Variants in OSBP2 observed in about 807,000 individuals in gnomAD.
The protein encoded by OSBP2 is oxysterol-binding protein 2.
In OSBP2, 66 loss-of-function variants were observed where a neutral mutation model predicts 96.0. That is an observed-to-expected ratio of 0.69 (90% CI 0.56 to 0.84). The LOEUF (loss-of-function observed/expected upper bound fraction) is 0.84, where lower values mean the gene tolerates loss of function less well. Among genes scored for constraint, OSBP2 ranks in the 40% least tolerant of loss-of-function variants. The pLI, the probability that OSBP2 is intolerant of heterozygous loss-of-function variation, is 0.00. For missense variants in OSBP2, 1,038 were observed against 1,222.7 expected, an observed-to-expected ratio of 0.85 and a Z score of 2.25; for synonymous variants, 525 against 520.9, an observed-to-expected ratio of 1.01 and a Z score of -0.11.
upstream of OSBP2, chr22:30,694,804 G>C (rs1174281558): frequency 2.8e-5 from 16 of 564,986 alleles, no homozygotes; most frequent in Non-Finnish European, 3.6e-5. Flanking sequence ...GAACCCGCGC[G>C]CGCCCCCGCC....
intron 2 of OSBP2, among the ~76,000 whole-genome samples, chr22:30,821,764 T>A (rs1025204599): frequency 2.0e-5 from 3 of 152,248 alleles, no homozygotes; most frequent in African/African-American, 7.2e-5. Context: ...TCTGAAACTC[T>A]GGGGAAAACT....
At chr22:30,780,324 A>G (rs1246565342) in intron 2 of OSBP2, among the ~76,000 whole-genome samples, 1 of 152,156 alleles carries the variant, frequency 6.6e-6, no homozygotes, top group Non-Finnish European at 1.5e-5. Flanking sequence ...AATTTCATCC[A>G]TGCCACAGCT....
Position 30,887,589 on chromosome 22 carries a change from C to T in OSBP2, c.1271C>T (p.Pro424Leu), listed in dbSNP as rs1243020662. 24 of 1,608,682 alleles carry T rather than the reference C, an allele frequency of 1.5e-5. No homozygotes were observed. Among genetic ancestry groups the T allele is most frequent in the African/African-American group, 1.2e-4 (9 of 74,836 alleles). ...ERAFHSAPGR[P>L]ANPSKSFIEG... is the part of the protein sequence containing the mutation. ...GCCTTCCACAGTGCCCCTGGCCGGC[C>T]GGCCAACCCCTCCAAGAGCTTCATT... The change falls in exon 4 of 14, where the codon CCG becomes CTG. Residue 424 changes from proline (P) to leucine (L), a missense_variant. Pro to Leu is a moderately conservative substitution (Grantham distance 98). Around this residue, in one of 3 missense-constraint regions of OSBP2, gnomAD observed 737 missense variants for 913.3 expected, o/e 0.81. Transcript: ENST00000332585.
intron 2 of OSBP2, among the ~76,000 whole-genome samples, chr22:30,759,208 C>T (rs967311714): frequency 1.3e-5 from 2 of 152,174 alleles, no homozygotes; most frequent in Admixed American, 6.5e-5. Context: ...ATTAGCCAGG[C>T]GTGGTGGTGC....
chr22:30,850,790 C>A (rs1371352542), intron 2 of OSBP2, among the ~76,000 whole-genome samples: 1 of 152,212 alleles, frequency 6.6e-6, no homozygotes, highest in Non-Finnish European at 1.5e-5. Flanking sequence ...TGAGGCACTG[C>A]ACCCGGCCTG....
intron 2 of OSBP2, among the ~76,000 whole-genome samples, chr22:30,833,808 G>T (rs2038578762): frequency 6.6e-6 from 1 of 152,144 alleles, no homozygotes; most frequent in South Asian, 2.1e-4. Flanking sequence ...TTTGTCTAGT[G>T]TTGCACCTAA....
chr22:30,745,225 CA>C (rs953007383), intron 2 of OSBP2, among the ~76,000 whole-genome samples: 50 of 142,258 alleles, frequency 3.5e-4, no homozygotes, highest in African/African-American at 1.0e-3. Flanking sequence ...GAAAAAAATA[CA>C]AAAAAAAAAT....
chr22:30,756,120 AC>A (rs748583710), intron 2 of OSBP2, among the ~76,000 whole-genome samples: 1 of 152,090 alleles, frequency 6.6e-6, no homozygotes. Flanking sequence ...CACAGCAGTT[AC>A]CCTTCCAGTG....
intron 2 of OSBP2, among the ~76,000 whole-genome samples, chr22:30,825,173 C>T (rs779387088): frequency 2.6e-5 from 4 of 152,110 alleles, no homozygotes; most frequent in Admixed American, 6.5e-5. Flanking sequence ...TCAGTTTCCC[C>T]ATCTAAAAGA....
chr22:30,895,354 C>A (rs1191380760), intron 12 of OSBP2, among the ~76,000 whole-genome samples: 1 of 152,028 alleles, frequency 6.6e-6, no homozygotes, highest in African/African-American at 2.4e-5. Context: ...CTGAAAGGGC[C>A]TATAGCGTGC....
intron 2 of OSBP2, among the ~76,000 whole-genome samples, chr22:30,860,508 G>T (rs772141460): frequency 6.6e-6 from 1 of 152,230 alleles, no homozygotes; most frequent in African/African-American, 2.4e-5. Flanking sequence ...CTCACTTCGC[G>T]CCAGAGGAGG....
intron 1 of OSBP2, among the ~76,000 whole-genome samples, chr22:30,737,090 G>A (rs5753299): frequency 0.74 from 112,203 of 152,038 alleles, 42,235 homozygotes; most frequent in African/African-American, 0.88. Flanking sequence ...ATCTTGGCTC[G>A]CTGCACCCTC....
At chr22:30,730,754 CTCTCTCTCTCT>C (rs1212352223) in intron 1 of OSBP2, among the ~76,000 whole-genome samples, 3 of 45,154 alleles carry the variant, frequency 6.6e-5, no homozygotes, top group Non-Finnish European at 8.6e-5. Flanking sequence ...CTCTCTCTCT[CTCTCTCTCTCT>C]CTCTCTCTCT....
rs1266918142 is a variant in OSBP2 at position 30,893,236 on chromosome 22, C to T, written c.1984C>T (p.Pro662Ser). The change falls in exon 9 of 14, where the codon CCG becomes TCG. Residue 662 changes from proline (P) to serine (S), a missense_variant. Physicochemically the swap from Pro to Ser is moderately conservative, Grantham distance 74. This residue lies in a region of OSBP2 where 737 missense variants were observed against 913.3 expected (regional missense o/e 0.81). Transcript: ENST00000332585. ...KFRGKYISIM[P>S]LGAIHLEFQA... ...CCGGGGAAAATACATCTCCATCATG[C>T]CGCTAGGTGAGCTGGGGCCCGGTGC... 1 of 1,614,064 alleles carries T rather than the reference C, an allele frequency of 6.2e-7. No homozygotes were observed. Among genetic ancestry groups the T allele is most frequent in the Admixed American group, 1.7e-5 (1 of 60,014 alleles).
At chr22:30,810,377 G>T (rs961719265) in intron 2 of OSBP2, among the ~76,000 whole-genome samples, 2 of 152,230 alleles carry the variant, frequency 1.3e-5, no homozygotes, top group South Asian at 4.1e-4. Context: ...TGTCTTCTGT[G>T]TACACTTGCT....
chr22:30,723,135 ATATT>A (rs1435051313), intron 1 of OSBP2, among the ~76,000 whole-genome samples: 1 of 150,226 alleles, frequency 6.7e-6, no homozygotes, highest in Non-Finnish European at 1.5e-5. Context: ...CTTCTAATAT[ATATT>A]TATTTATTTT....
At chr22:30,843,197 G>A (rs1050606371) in intron 2 of OSBP2, among the ~76,000 whole-genome samples, 1 of 152,138 alleles carries the variant, frequency 6.6e-6, no homozygotes, top group African/African-American at 2.4e-5. Flanking sequence ...AGTCATCCTG[G>A]AGGGTTGGAA....
intron 2 of OSBP2, among the ~76,000 whole-genome samples, chr22:30,815,965 G>A (rs1214012802): frequency 6.6e-6 from 1 of 152,118 alleles, no homozygotes; most frequent in Non-Finnish European, 1.5e-5. Context: ...AAAATTCCCA[G>A]GAGTCAGATT....
chr22:30,839,776 C>G (rs1487330862), intron 2 of OSBP2, among the ~76,000 whole-genome samples: 4 of 151,672 alleles, frequency 2.6e-5, no homozygotes, highest in African/African-American at 4.8e-5. Flanking sequence ...CGAAAATTTT[C>G]TCCCATTTTG....
Sources: allele counts gnomAD v4.1 joint callset (sites outside exome capture counted in the v4.1 genomes callset), GRCh38; gene constraint gnomAD v4.1.1; regional missense constraint gnomAD v4.1.1; transcripts MANE v1.5; gene names NCBI Gene and HGNC (gene_info 2026-07-23, HGNC 2026-07-21).